TASP1: variants seen among roughly 807,000 people sequenced by gnomAD.
The protein encoded by TASP1 is taspase 1.
A neutral mutation model predicts 56.6 loss-of-function variants in TASP1; 16 were observed. That is an observed-to-expected ratio of 0.28 (90% CI 0.19 to 0.43). The LOEUF (loss-of-function observed/expected upper bound fraction) is 0.43, where lower values mean the gene tolerates loss of function less well. Ranked by LOEUF, TASP1 falls within the 20% of genes least tolerant of loss-of-function variation. The probability of loss-of-function intolerance (pLI) is 1.00; values close to 1 mark genes in which losing one functional copy is unlikely to be tolerated. For missense variants in TASP1, 393 were observed against 511.6 expected (o/e 0.77, Z 2.24); for synonymous variants, 179 against 184.2 (o/e 0.97, Z 0.23).
chr20:13,515,559 A>C (rs1439075094), intron 10 of TASP1, among the ~76,000 whole-genome samples: 13 of 151,788 alleles, frequency 8.6e-5, no homozygotes, highest in Non-Finnish European at 1.9e-4. Flanking sequence ...AAAAAAAAAA[A>C]AAAAAAAAAA....
the TASP1 span, among the ~76,000 whole-genome samples, chr20:13,304,589 A>G: frequency 6.6e-6 from 1 of 152,166 alleles, no homozygotes; most frequent in African/African-American, 2.4e-5. Context: ...TTTTTCCATC[A>G]TCGTGGAGCC....
At chr20:13,353,006 A>G in the TASP1 span, among the ~76,000 whole-genome samples, 4 of 152,056 alleles carry the variant, frequency 2.6e-5, no homozygotes, top group African/African-American at 9.7e-5. Context: ...GGAGGCCAAG[A>G]TGGGAGGATT....
At chr20:13,601,595 C>A (rs1331474532) in intron 4 of TASP1, among the ~76,000 whole-genome samples, 1 of 152,100 alleles carries the variant, frequency 6.6e-6, no homozygotes, top group Non-Finnish European at 1.5e-5. Context: ...ATATTAGTTA[C>A]TCCATGCTCA....
the TASP1 span, among the ~76,000 whole-genome samples, chr20:13,179,972 G>A: frequency 1.3e-5 from 2 of 152,164 alleles, no homozygotes; most frequent in Non-Finnish European, 2.9e-5. Context: ...TATGGACACA[G>A]CGTTGGCCAT....
the TASP1 span, among the ~76,000 whole-genome samples, chr20:13,150,946 G>C: frequency 3.9e-5 from 6 of 152,038 alleles, no homozygotes; most frequent in African/African-American, 1.5e-4. Context: ...CCTCTTATGA[G>C]CTCTCATAAC....
chr20:13,513,472 C>T (rs940372631), intron 10 of TASP1, among the ~76,000 whole-genome samples: 3 of 151,798 alleles, frequency 2.0e-5, no homozygotes, highest in African/African-American at 7.3e-5. Context: ...AGAATGGCTG[C>T]AGAAAAGAGA....
chr20:13,444,699 G>A (rs2043339165), intron 11 of TASP1, among the ~76,000 whole-genome samples: 2 of 152,120 alleles, frequency 1.3e-5, no homozygotes, highest in Admixed American at 1.3e-4. Context: ...TCTACCATTT[G>A]CTGCTCCTAC....
chr20:13,264,827 T>C, the TASP1 span, among the ~76,000 whole-genome samples: 6 of 152,322 alleles, frequency 3.9e-5, no homozygotes, highest in Middle Eastern at 6.8e-3. Flanking sequence ...AGAGGTTTTC[T>C]CTTCTTGATT....
chr20:13,257,076 C>T, the TASP1 span, among the ~76,000 whole-genome samples: 11 of 152,172 alleles, frequency 7.2e-5, no homozygotes, highest in Non-Finnish European at 2.9e-5. Context: ...CACACAGATG[C>T]TACCCATTTT....
chr20:13,239,972 G>T, the TASP1 span, among the ~76,000 whole-genome samples: 1 of 152,154 alleles, frequency 6.6e-6, no homozygotes, highest in Non-Finnish European at 1.5e-5. Context: ...TAAAGTGCTG[G>T]GATCCTGCTA....
At chr20:13,268,007 ATT>A in the TASP1 span, among the ~76,000 whole-genome samples, 2 of 152,356 alleles carry the variant, frequency 1.3e-5, no homozygotes, top group African/African-American at 4.8e-5. Flanking sequence ...AGGGTTGGAG[ATT>A]AAGGGAAAAA....
chr20:13,542,167 G>A (rs2045648599), intron 8 of TASP1, among the ~76,000 whole-genome samples: 1 of 152,016 alleles, frequency 6.6e-6, no homozygotes, highest in South Asian at 2.1e-4. Flanking sequence ...ATATGGAAAA[G>A]TTGAAAGTAA....
At chr20:13,304,104 C>T in the TASP1 span, among the ~76,000 whole-genome samples, 1 of 152,304 alleles carries the variant, frequency 6.6e-6, no homozygotes, top group South Asian at 2.1e-4. Flanking sequence ...AGGTAGAAAG[C>T]AGGGAGAAAA....
the TASP1 span, among the ~76,000 whole-genome samples, chr20:13,109,154 C>T: frequency 2.6e-5 from 4 of 152,290 alleles, no homozygotes; most frequent in Middle Eastern, 3.4e-3. Flanking sequence ...GACCTCTCAA[C>T]CCAAGCCCAG....
At chr20:13,108,464 C>T in the TASP1 span, among the ~76,000 whole-genome samples, 3 of 152,232 alleles carry the variant, frequency 2.0e-5, no homozygotes, top group Admixed American at 6.5e-5. Context: ...AGACCAAGAA[C>T]TGCAGCTAAT....
the TASP1 span, among the ~76,000 whole-genome samples, chr20:13,185,404 C>A: frequency 8.5e-5 from 13 of 152,174 alleles, no homozygotes; most frequent in African/African-American, 3.1e-4. Flanking sequence ...ACCTCTCATA[C>A]ATTATTCCTG....
chr20:13,318,190 T>C, the TASP1 span, among the ~76,000 whole-genome samples: 2 of 134,794 alleles, frequency 1.5e-5, no homozygotes, highest in Admixed American at 1.5e-4. Flanking sequence ...TAACAGACAC[T>C]TCACCAAAGA....
At chr20:13,403,685 T>G (rs2041818676) in intron 13 of TASP1, among the ~76,000 whole-genome samples, 1 of 152,060 alleles carries the variant, frequency 6.6e-6, no homozygotes, top group African/African-American at 2.4e-5. Context: ...AAAGACAATC[T>G]TACCTGGGGA....
the TASP1 span, among the ~76,000 whole-genome samples, chr20:13,171,138 C>T: frequency 6.6e-6 from 1 of 152,152 alleles, no homozygotes; most frequent in Non-Finnish European, 1.5e-5. Flanking sequence ...GCCAACAATA[C>T]ATGATTTCCC....
Sources: gnomAD v4.1 joint callset for allele counts (sites outside exome capture counted in the v4.1 genomes callset) on GRCh38, gnomAD v4.1.1 for gene constraint, MANE v1.5 for transcripts, NCBI Gene and HGNC (gene_info 2026-07-23, HGNC 2026-07-21) for gene names.